Variants in NKIRAS1 observed in about 807,000 individuals in gnomAD.
NKIRAS1 encodes the protein NFKB inhibitor interacting Ras like 1.
In NKIRAS1, 16 loss-of-function variants were observed where a neutral mutation model predicts 19.8. That is an observed-to-expected ratio of 0.81 (90% CI 0.55 to 1.23). NKIRAS1 has a LOEUF of 1.23. Among genes scored for constraint, NKIRAS1 ranks in the 50% most tolerant of loss-of-function variants. The pLI is 0.00. For synonymous variants in NKIRAS1, 88 were observed against 79.0 expected, an observed-to-expected ratio of 1.11 and a Z score of -0.61; for missense variants, 184 against 220.0, an observed-to-expected ratio of 0.84 and a Z score of 1.04.
intron 4 of NKIRAS1, among the ~76,000 whole-genome samples, chr3:23,894,271 G>T (rs150157485): frequency 3.5e-4 from 54 of 152,310 alleles, no homozygotes; most frequent in South Asian, 2.5e-3. Flanking sequence ...CGATGTGACA[G>T]TAGACAATGG....
At chr3:23,944,355 GT>G (rs1705569941) in intron 1 of NKIRAS1, among the ~76,000 whole-genome samples, 2 of 152,234 alleles carry the variant, frequency 1.3e-5, no homozygotes, top group Middle Eastern at 3.4e-3. Context: ...ACTGGAAAGA[GT>G]TTTACAAGCA....
Position 23,926,938 on chromosome 3 carries a change from C to T in NKIRAS1, c.-139-15488G>A, listed in dbSNP as rs1314937613. Among the ~76,000 whole-genome samples, 1 of 152,114 alleles carries T rather than the reference C, an allele frequency of 6.6e-6. No homozygotes were observed. Among genetic ancestry groups the T allele is most frequent in the Non-Finnish European group, 1.5e-5 (1 of 68,030 alleles). On this transcript the variant is annotated intron_variant, in intron 1 of 4. Transcript: ENST00000421515. The surrounding 1 kb of genome is among the most constrained non-coding windows in gnomAD (Gnocchi z 4.3). ...TGAAATACCAATAGGGGGTGACATG[C>T]ACCAACAAGCTACACTTTGACCATC...
chr3:23,890,440 G>GTCAC lies in NKIRAS1; in HGVS notation c.*2651_*2654dup, dbSNP rs1701373327. The GTCAC allele has an allele frequency of 1.7e-5, 25 of 1,483,032 alleles. No homozygotes were observed. The highest frequency in any genetic ancestry group is 2.3e-5 in the Non-Finnish European group (25 of 1,083,342). The allele number at this position is 1,483,032 out of a possible 1,614,324, so 91.9% of individuals were successfully genotyped here. On this transcript the variant is annotated 3_prime_UTR_variant, in exon 5 of 5. Transcript: ENST00000425478. ...TTTGTCGTACGTATCTACCCAAGCT[G>GTCAC]TCACTATTCGCTAAAGTTTAAAATG...
upstream of NKIRAS1, chr3:23,918,122 C>CT: frequency 6.8e-7 from 1 of 1,470,282 alleles, no homozygotes; most frequent in Non-Finnish European, 9.2e-7. Flanking sequence ...GCCTCAGTGT[C>CT]TTTCTTCGCA....
intron 3 of NKIRAS1, 65 bp from the exon 4 acceptor site, chr3:23,901,114 G>T: frequency 1.3e-6 from 2 of 1,534,562 alleles, no homozygotes; most frequent in Non-Finnish European, 1.8e-6. Flanking sequence ...GTATTTTCTT[G>T]TCCTTTAGAA....
intron 4 of NKIRAS1, among the ~76,000 whole-genome samples, chr3:23,900,276 A>T (rs1702380335): frequency 6.6e-6 from 1 of 152,216 alleles, no homozygotes; most frequent in African/African-American, 2.4e-5. Flanking sequence ...GGTAACAAGC[A>T]AAAGGCAGAA....
intron 1 of NKIRAS1, among the ~76,000 whole-genome samples, chr3:23,937,266 T>C (rs6803400): frequency 0.64 from 97,207 of 151,426 alleles, 31,412 homozygotes; most frequent in Middle Eastern, 0.73. Flanking sequence ...AGCTACTCGG[T>C]AGGCTGAGGC....
chr3:23,890,454 A>C lies in NKIRAS1; in HGVS notation c.*2641T>G. On this transcript the variant is annotated 3_prime_UTR_variant, in exon 5 of 5. Transcript: ENST00000425478. ...CTACCCAAGCTGTCACTATTCGCTA[A>C]AGTTTAAAATGTTCTTTTCCTTTCT... 4 of 1,566,188 alleles carry C rather than the reference A, an allele frequency of 2.6e-6. No homozygotes were observed. Among genetic ancestry groups the C allele is most frequent in the Non-Finnish European group, 1.7e-6 (2 of 1,150,682 alleles).
At chr3:23,893,735 G>A (rs1185146731) in intron 4 of NKIRAS1, among the ~76,000 whole-genome samples, 1 of 149,024 alleles carries the variant, frequency 6.7e-6, no homozygotes, top group East Asian at 2.0e-4. Flanking sequence ...AGGCAGAGAG[G>A]GTGCAGTAAG....
intron 1 of NKIRAS1, among the ~76,000 whole-genome samples, chr3:23,914,111 C>T (rs1704046002): frequency 6.6e-6 from 1 of 151,852 alleles, no homozygotes; most frequent in African/African-American, 2.4e-5. Flanking sequence ...GCTTTACTTT[C>T]CAGGCTAATC....
At chr3:23,931,817 C>T (rs529879366) in intron 1 of NKIRAS1, among the ~76,000 whole-genome samples, 22 of 152,252 alleles carry the variant, frequency 1.4e-4, no homozygotes, top group African/African-American at 5.1e-4. Context: ...TGCCTTCAAC[C>T]ACCCAGTGAC....
Position 23,900,883 on chromosome 3 carries a change from A to G in NKIRAS1, c.261T>C (p.Ser87=), listed in dbSNP as rs1363300453. Residue 87 remains serine, a synonymous_variant, in exon 4 of 5, where the codon AGT becomes AGC. Transcript: ENST00000425478. The stretch of plus-strand genomic sequence containing the variant: ...TTTGAAAGGATTCAAGGTTATTCAC[A>G]CTGTACACAAGAACGAAGCCATCAG... ...SFADGFVLVY[S]VNNLESFQRV... is the part of the protein sequence containing the mutation. 6.2e-7 allele frequency: 1 copy of G among 1,614,034 alleles called. No individual in the cohort carries two copies. Among genetic ancestry groups the G allele is most frequent in the Non-Finnish European group, 8.5e-7 (1 of 1,179,918 alleles).
intron 1 of NKIRAS1, among the ~76,000 whole-genome samples, chr3:23,940,346 T>TA (rs35882098): frequency 0.46 from 68,787 of 149,934 alleles, 15,800 homozygotes; most frequent in Middle Eastern, 0.58. Flanking sequence ...GACCTGTTTC[T>TA]AAAAAAAAAT....
In NKIRAS1 at chr3:23,910,803, A is replaced by T. The variant is rs34993633; in HGVS notation, c.94+8T>A. 1,934 of 1,603,556 alleles carry T rather than the reference A, an allele frequency of 1.2e-3. 22 individuals carry two copies. In the African/African-American group the frequency reaches 0.022, roughly 18 times the overall value. ...ACCTAGAGACAAACTAGAGAAAAAC[A>T]ATCTTACCAATAGTATGATTTCCAT... On this transcript the variant is annotated splice_region_variant and intron_variant, in intron 3 of 4. Coordinates refer to ENST00000425478, the MANE Select transcript of NKIRAS1 (RefSeq NM_020345.4).
intron 1 of NKIRAS1, among the ~76,000 whole-genome samples, chr3:23,935,849 G>T (rs1481659156): frequency 6.6e-6 from 1 of 152,104 alleles, no homozygotes; most frequent in Non-Finnish European, 1.5e-5. Context: ...GGAGGCCAAG[G>T]CAGGAGGATT....
chr3:23,939,993 A>G (rs1238494068), intron 1 of NKIRAS1, among the ~76,000 whole-genome samples: 1 of 152,084 alleles, frequency 6.6e-6, no homozygotes, highest in Non-Finnish European at 1.5e-5. Flanking sequence ...GCAACTAAGG[A>G]ATGAAATTTT....
chr3:23,929,134 G>C (rs551311915), intron 1 of NKIRAS1, among the ~76,000 whole-genome samples: 15 of 152,246 alleles, frequency 9.9e-5, no homozygotes, highest in Admixed American at 9.8e-4. Flanking sequence ...GGCTGAGAGG[G>C]GCAGACCACT....
At chr3:23,937,418 C>T (rs1705416125) in intron 1 of NKIRAS1, among the ~76,000 whole-genome samples, 1 of 152,052 alleles carries the variant, frequency 6.6e-6, no homozygotes, top group Non-Finnish European at 1.5e-5. Flanking sequence ...GGAGAGATTG[C>T]ACTGCTGGGA....
chr3:23,944,013 A>G (rs1705562021), intron 1 of NKIRAS1, among the ~76,000 whole-genome samples: 1 of 152,248 alleles, frequency 6.6e-6, no homozygotes, highest in South Asian at 2.1e-4. Context: ...GGACCCAAGA[A>G]GCACTCTCCT....
Sources: allele counts gnomAD v4.1 joint callset (sites outside exome capture counted in the v4.1 genomes callset), GRCh38; gene constraint gnomAD v4.1.1; non-coding constraint Gnocchi (gnomAD v3.1); transcripts MANE v1.5; gene names NCBI Gene and HGNC (gene_info 2026-07-23, HGNC 2026-07-21).